NLRC4: variants seen among roughly 807,000 people sequenced by gnomAD.
The protein encoded by NLRC4 is NLR family CARD domain containing 4.
Under a neutral mutation model 79.9 loss-of-function variants are expected in NLRC4, and 63 were observed. The ratio of observed to expected loss-of-function variants is 0.79; its 90% confidence interval spans 0.64 to 0.97. NLRC4 has a LOEUF of 0.97. Among genes scored for constraint, NLRC4 ranks in the 50% least tolerant of loss-of-function variants. The pLI is 0.00. For missense variants in NLRC4, 1,074 were observed against 1,215.2 expected (o/e 0.88, Z 1.73); for synonymous variants, 461 against 456.5 (o/e 1.01, Z -0.12).
In NLRC4 at chr2:32,249,341, C is replaced by A. The variant is rs772702230; in HGVS notation, c.2257+266G>T. ...TTCAATATGCATGTATCAAGACCAC[C>A]TTCATGAATATTCATAGCTCCTCCT... On this transcript the variant is annotated intron_variant, in intron 4 of 8. Coordinates refer to ENST00000402280, the MANE Select transcript of NLRC4 (RefSeq NM_001199138.2). Among the ~76,000 whole-genome samples, 12 of 152,290 alleles carry A rather than the reference C, an allele frequency of 7.9e-5. 1 individual carries two copies. Among genetic ancestry groups the A allele is most frequent in the South Asian group, 4.2e-4 (2 of 4,816 alleles).
At chr2:32,231,630 C>T (rs1169388119) in intron 8 of NLRC4, among the ~76,000 whole-genome samples, 1 of 145,418 alleles carries the variant, frequency 6.9e-6, no homozygotes, top group Non-Finnish European at 1.5e-5. Flanking sequence ...AATGCAGTGG[C>T]ATGATCACAG....
chr2:32,233,520 T>C (rs990536238), intron 8 of NLRC4, among the ~76,000 whole-genome samples: 9 of 151,832 alleles, frequency 5.9e-5, no homozygotes, highest in Non-Finnish European at 1.0e-4. Context: ...AGTTTCCTTC[T>C]GAATTTCTTC....
chr2:32,240,073 T>A (rs1686760785), intron 5 of NLRC4, among the ~76,000 whole-genome samples: 1 of 152,198 alleles, frequency 6.6e-6, no homozygotes, highest in Non-Finnish European at 1.5e-5. Context: ...CTCCTCCTCC[T>A]GAGTTCAAGT....
chr2:32,253,185 T>C (rs1275173354), intron 2 of NLRC4, among the ~76,000 whole-genome samples: 1 of 151,658 alleles, frequency 6.6e-6, no homozygotes. Context: ...AGTCTTGCTG[T>C]GTCACCCAGG....
rs1017846445 is a variant in NLRC4, at chr2:32,264,776, A to G, written c.-157T>C. ...CCAATTGCCCTCTTCTTGGGAGACC[A>G]AGACATGTTTTTAAAATAAAGTTTC... On this transcript the variant is annotated 5_prime_UTR_variant, in exon 1 of 9. Transcript: ENST00000402280. 1 of 152,170 alleles carries G rather than the reference A, an allele frequency of 6.6e-6. No individual in the cohort carries two copies. The highest frequency in any genetic ancestry group is 2.4e-5 in the African/African-American group (1 of 41,432). The allele number at this position is 152,170 out of a possible 1,614,324, so 9.4% of individuals were successfully genotyped here.
chr2:32,238,980 A>C (rs2148935487), intron 5 of NLRC4, among the ~76,000 whole-genome samples: 1 of 152,262 alleles, frequency 6.6e-6, no homozygotes, highest in South Asian at 2.1e-4. Context: ...CCTACGGGAA[A>C]GAAATATATG....
chr2:32,243,133 G>A (rs928413556), intron 4 of NLRC4, among the ~76,000 whole-genome samples: 11 of 151,930 alleles, frequency 7.2e-5, no homozygotes, highest in African/African-American at 2.4e-4. Flanking sequence ...AATTGAGGCT[G>A]GGCGAGGTGG....
intron 4 of NLRC4, among the ~76,000 whole-genome samples, chr2:32,243,482 A>G (rs1686853553): frequency 6.6e-6 from 1 of 151,748 alleles, no homozygotes; most frequent in Admixed American, 6.6e-5. Context: ...CTTCAACAAA[A>G]TAGAAAATGG....
At chr2:32,244,657 C>A (rs953733100) in intron 4 of NLRC4, among the ~76,000 whole-genome samples, 2 of 151,996 alleles carry the variant, frequency 1.3e-5, no homozygotes, top group African/African-American at 4.8e-5. Context: ...TCTACAACAC[C>A]CCCTTCTGCA....
At chr2:32,240,876 T>G (rs749360601) in intron 5 of NLRC4, among the ~76,000 whole-genome samples, 157 bp downstream of exon 5, 1 of 152,182 alleles carries the variant, frequency 6.6e-6, no homozygotes, top group Non-Finnish European at 1.5e-5. Flanking sequence ...CTGAAGGATT[T>G]TAATGGCAGT....
intron 8 of NLRC4, among the ~76,000 whole-genome samples, chr2:32,230,857 A>C (rs150336349): frequency 3.1e-3 from 470 of 152,216 alleles, no homozygotes; most frequent in African/African-American, 0.011. Context: ...TGTTTTCCTC[A>C]GCAGCTGCAT....
intron 8 of NLRC4, among the ~76,000 whole-genome samples, chr2:32,229,508 G>C (rs1686482545): frequency 6.6e-6 from 1 of 152,172 alleles, no homozygotes; most frequent in Admixed American, 6.5e-5. Context: ...ATAGATACCT[G>C]AGCTAGCAAT....
chr2:32,236,545 G>C (rs1686677581), intron 6 of NLRC4, among the ~76,000 whole-genome samples: 1 of 152,154 alleles, frequency 6.6e-6, no homozygotes, highest in African/African-American at 2.4e-5. Context: ...TGGGCAAATA[G>C]TCATTGGTCC....
chr2:32,238,048 T>A, intron 6 of NLRC4, 84 bp downstream of exon 6: 3 of 947,720 alleles, frequency 3.2e-6, no homozygotes, highest in Non-Finnish European at 4.5e-6. Flanking sequence ...AAATTTCCAT[T>A]TGAGACATTT....
chr2:32,245,331 A>G (rs1056290098), intron 4 of NLRC4, among the ~76,000 whole-genome samples: 4 of 151,086 alleles, frequency 2.6e-5, no homozygotes, highest in Non-Finnish European at 4.4e-5. Flanking sequence ...AAAAAAAAAA[A>G]AACAGATGAA....
At chr2:32,252,757 G>A (rs1485902438) in intron 2 of NLRC4, 78 bp from the exon 3 acceptor site, 26 of 1,287,030 alleles carry the variant, frequency 2.0e-5, no homozygotes, top group Non-Finnish European at 2.6e-5. Context: ...GGTGGCTCAC[G>A]CCTGTAATCC....
rs750721397 is a variant in NLRC4 at position 32,226,792 on chromosome 2, A to C, written c.2783-2027T>G. ...CTATTCGGGAGGCTGAGGCAGGAGG[A>C]TCACTTGAACCCAGGAGGCAGAGGT... On this transcript the variant is annotated intron_variant, in intron 8 of 8. Coordinates refer to ENST00000402280, the MANE Select transcript of NLRC4 (RefSeq NM_001199138.2). Among the ~76,000 whole-genome samples, 82 of 152,084 alleles carry C rather than the reference A, an allele frequency of 5.4e-4. 1 individual carries two copies. Among genetic ancestry groups the C allele is most frequent in the Non-Finnish European group, 1.0e-3 (71 of 68,008 alleles).
In NLRC4 at chr2:32,236,259, G is replaced by A; in HGVS notation, c.2602C>T (p.Leu868Phe). 2.5e-6 allele frequency: 4 copies of A among 1,603,098 alleles called. No homozygotes were observed. Among genetic ancestry groups the A allele is most frequent in the Non-Finnish European group, 3.4e-6 (4 of 1,171,296 alleles). ...NYLEKDGNEA[L>F]HELIDRMNVL... ...TTGTCATTCTTACTCAGTTCATGAA[G>A]AGCTTCATTTCCATCTTTTTCCAGG... The change falls in exon 7 of 9, where the codon CTT becomes TTT. Residue 868 changes from leucine (L) to phenylalanine (F), a missense_variant. Leu to Phe is a conservative substitution (Grantham distance 22). Transcript: ENST00000402280.
At chr2:32,246,223 A>G (rs1265721500) in intron 4 of NLRC4, among the ~76,000 whole-genome samples, 1 of 152,144 alleles carries the variant, frequency 6.6e-6, no homozygotes, top group Non-Finnish European at 1.5e-5. Context: ...CTTTTTTTAA[A>G]TGGCAAACAT....
Sources: allele counts gnomAD v4.1 joint callset (sites outside exome capture counted in the v4.1 genomes callset), GRCh38; gene constraint gnomAD v4.1.1; transcripts MANE v1.5; gene names NCBI Gene and HGNC (gene_info 2026-07-23, HGNC 2026-07-21).